Variants in WWOX observed in about 807,000 individuals in gnomAD.
WWOX encodes WW domain containing oxidoreductase.
A neutral mutation model predicts 46.2 loss-of-function variants in WWOX; 69 were observed. The ratio of observed to expected loss-of-function variants is 1.49; its 90% CI spans 1.23 to 1.82. The LOEUF is 1.82. Ranked by LOEUF, WWOX falls within the 40% of genes most tolerant of loss-of-function variation. The probability of loss-of-function intolerance (pLI) is 0.00; values close to 1 mark genes in which losing one functional copy is unlikely to be tolerated. For missense variants in WWOX, 919 were observed against 542.6 expected (o/e 1.69, Z -6.89); for synonymous variants, 359 against 202.6 (o/e 1.77, Z -6.56).
chr16:79,116,418 T>G (rs1007566480), intron 8 of WWOX, among the ~76,000 whole-genome samples: 65 of 152,234 alleles, frequency 4.3e-4, no homozygotes, highest in African/African-American at 1.5e-3. Context: ...TGGAATATTC[T>G]AAATCCTCTG....
intron 8 of WWOX, among the ~76,000 whole-genome samples, chr16:79,176,014 TG>T (rs1164933419): frequency 6.6e-6 from 1 of 152,212 alleles, no homozygotes; most frequent in Non-Finnish European, 1.5e-5. Context: ...ACCTGCTCTA[TG>T]AAACTGGATT....
At chr16:78,430,592 G>C (rs2083193562) in intron 7 of WWOX, among the ~76,000 whole-genome samples, 1 of 152,052 alleles carries the variant, frequency 6.6e-6, no homozygotes, top group Non-Finnish European at 1.5e-5. Context: ...CCAGAAGAAG[G>C]CCGTCATATA....
chr16:78,685,122 C>T (rs540665246), intron 8 of WWOX, among the ~76,000 whole-genome samples: 1 of 152,302 alleles, frequency 6.6e-6, no homozygotes, highest in South Asian at 2.1e-4. Context: ...CTTCTCTCTG[C>T]AGCGTGATGT....
intron 8 of WWOX, among the ~76,000 whole-genome samples, chr16:78,659,376 G>A (rs1381686238): frequency 6.6e-6 from 1 of 152,058 alleles, no homozygotes; most frequent in Non-Finnish European, 1.5e-5. Context: ...CAACATCAGG[G>A]TCATCTGGGA....
chr16:78,705,952 C>A (rs184829543), intron 8 of WWOX, among the ~76,000 whole-genome samples: 1 of 151,522 alleles, frequency 6.6e-6, no homozygotes, highest in Non-Finnish European at 1.5e-5. Context: ...GAGTGTGGAA[C>A]GTGGTTTAGA....
Position 78,427,459 on chromosome 16 carries a change from C to T in WWOX, c.791+2404C>T, listed in dbSNP as rs570446755. On this transcript the variant is annotated intron_variant, in intron 7 of 8. Transcript: ENST00000566780. ...TGAAAAGAGCAGAGTGCTGGTTGAA[C>T]AACCCTCAATGGCTGCAGCTGCATG... Among the ~76,000 whole-genome samples, 189 of 152,234 alleles carry T rather than the reference C, an allele frequency of 1.2e-3. 3 individuals carry two copies. The highest frequency in any genetic ancestry group is 6.7e-3 in the South Asian group (32 of 4,810).
intron 8 of WWOX, among the ~76,000 whole-genome samples, chr16:78,588,480 A>C (rs1328117084): frequency 6.6e-6 from 1 of 152,144 alleles, no homozygotes; most frequent in Non-Finnish European, 1.5e-5. Context: ...GGGCTCTGAA[A>C]GTTATTTTTG....
intron 8 of WWOX, among the ~76,000 whole-genome samples, chr16:78,854,640 G>C (rs1313842570): frequency 6.6e-6 from 1 of 152,170 alleles, no homozygotes; most frequent in South Asian, 2.1e-4. Context: ...GAGTGCAGTG[G>C]CGCGATCTCA....
intron 8 of WWOX, among the ~76,000 whole-genome samples, chr16:79,167,602 G>A (rs78787041): frequency 2.6e-5 from 4 of 152,158 alleles, no homozygotes; most frequent in African/African-American, 4.8e-5. Flanking sequence ...GCAGCGAAGC[G>A]AATGCCCACA....
At chr16:78,798,212 C>T (rs532137470) in intron 8 of WWOX, among the ~76,000 whole-genome samples, 3 of 152,218 alleles carry the variant, frequency 2.0e-5, no homozygotes, top group African/African-American at 7.2e-5. Flanking sequence ...GAAAGGATAG[C>T]CTTGTTATTT....
At chr16:78,495,435 C>T (rs2084892632) in intron 8 of WWOX, among the ~76,000 whole-genome samples, 1 of 149,032 alleles carries the variant, frequency 6.7e-6, no homozygotes, top group African/African-American at 2.4e-5. Context: ...GCCACTGCAC[C>T]TGGCCAGTAG....
intron 8 of WWOX, among the ~76,000 whole-genome samples, chr16:79,121,048 C>T (rs1182316844): frequency 6.6e-6 from 1 of 152,188 alleles, no homozygotes; most frequent in Non-Finnish European, 1.5e-5. Context: ...GGATTACAGG[C>T]GTGAGTCACC....
intron 4 of WWOX, among the ~76,000 whole-genome samples, chr16:78,133,395 G>A (rs2033674180): frequency 6.6e-6 from 1 of 152,256 alleles, no homozygotes; most frequent in African/African-American, 2.4e-5. Flanking sequence ...CAACTAGCTG[G>A]GACAACAGGT....
intron 8 of WWOX, among the ~76,000 whole-genome samples, chr16:78,568,045 C>T (rs111745280): frequency 0.031 from 4,669 of 152,270 alleles, 94 homozygotes; most frequent in Middle Eastern, 0.071. Context: ...GTCTTTGTCT[C>T]ATTTACACAC....
chr16:78,664,950 C>G (rs962272830), intron 8 of WWOX, among the ~76,000 whole-genome samples: 5 of 152,204 alleles, frequency 3.3e-5, no homozygotes, highest in African/African-American at 9.7e-5. Flanking sequence ...AGCCTAAACC[C>G]TGGTTCAATA....
chr16:78,812,921 C>G (rs796322769), intron 8 of WWOX, among the ~76,000 whole-genome samples: 1 of 152,126 alleles, frequency 6.6e-6, no homozygotes, highest in East Asian at 1.9e-4. Context: ...TTTTGACTCA[C>G]TGGTGAATTT....
intron 8 of WWOX, among the ~76,000 whole-genome samples, chr16:78,949,878 C>G (rs1457088876): frequency 6.6e-6 from 1 of 152,188 alleles, no homozygotes; most frequent in East Asian, 1.9e-4. Flanking sequence ...GGCTCTCAGC[C>G]CTACTTTCTT....
At chr16:78,904,032 C>T (rs147466450) in intron 8 of WWOX, among the ~76,000 whole-genome samples, 89 of 152,172 alleles carry the variant, frequency 5.8e-4, no homozygotes, top group African/African-American at 2.0e-3. Context: ...AACACCTTTA[C>T]CCTGTTATTA....
At chr16:78,779,927 C>G (rs928789071) in intron 8 of WWOX, among the ~76,000 whole-genome samples, 1 of 152,188 alleles carries the variant, frequency 6.6e-6, no homozygotes, top group African/African-American at 2.4e-5. Flanking sequence ...CTCTGAATTG[C>G]AGCCACAAAT....
Sources: allele counts gnomAD v4.1 joint callset (sites outside exome capture counted in the v4.1 genomes callset), GRCh38; gene constraint gnomAD v4.1.1; transcripts MANE v1.5; gene names NCBI Gene and HGNC (gene_info 2026-07-23, HGNC 2026-07-21).